The following XKR6 variants were observed in gnomAD, a reference collection of about 807,000 sequenced individuals.
XKR6 encodes XK related 6.
In XKR6, 22 loss-of-function variants were observed where a neutral mutation model predicts 56.7. The ratio of observed to expected loss-of-function variants is 0.39; its 90% CI spans 0.28 to 0.55. The LOEUF is 0.55. Ranked by LOEUF, XKR6 falls within the 20% of genes least tolerant of loss-of-function variation. The probability of loss-of-function intolerance (pLI) is 0.66; values close to 1 mark genes in which losing one functional copy is unlikely to be tolerated. For missense variants in XKR6, 852 were observed against 889.0 expected, an observed-to-expected ratio of 0.96 and a Z score of 0.53; for synonymous variants, 524 against 387.8, an observed-to-expected ratio of 1.35 and a Z score of -4.13.
intron 1 of XKR6, among the ~76,000 whole-genome samples, chr8:10,983,413 A>G (rs932614736): frequency 6.6e-6 from 1 of 152,236 alleles, no homozygotes; most frequent in Admixed American, 6.5e-5. Flanking sequence ...CAATTTGTAA[A>G]CCTGAATGAA....
chr8:10,925,768 G>A (rs1800864256), intron 1 of XKR6, among the ~76,000 whole-genome samples: 2 of 152,178 alleles, frequency 1.3e-5, no homozygotes, highest in Non-Finnish European at 2.9e-5. Flanking sequence ...GAGATGATAT[G>A]CACAGTCGGC....
chr8:10,978,674 C>T (rs1304988974), intron 1 of XKR6, among the ~76,000 whole-genome samples: 1 of 152,254 alleles, frequency 6.6e-6, no homozygotes, highest in Non-Finnish European at 1.5e-5. Context: ...CTTTGCTTGA[C>T]CCTCTTCACT....
chr8:11,088,412 A>T (rs1457827246), intron 1 of XKR6, among the ~76,000 whole-genome samples: 1 of 152,178 alleles, frequency 6.6e-6, no homozygotes, highest in Admixed American at 6.5e-5. Flanking sequence ...TCCACATCTC[A>T]CATTGCTTTG....
At chr8:11,071,213 C>G (rs1332197528) in intron 1 of XKR6, among the ~76,000 whole-genome samples, 2 of 152,164 alleles carry the variant, frequency 1.3e-5, no homozygotes, top group Non-Finnish European at 2.9e-5. Flanking sequence ...GGTCATTGCT[C>G]AGCATTTAGG....
chr8:11,072,809 G>A (rs1201374710), intron 1 of XKR6, among the ~76,000 whole-genome samples: 1 of 151,066 alleles, frequency 6.6e-6, no homozygotes, highest in Non-Finnish European at 1.5e-5. Context: ...CCAGCACTTT[G>A]GAGACCAAGG....
At chr8:10,984,728 C>CTATATATATATATATATA (rs1176002840) in intron 1 of XKR6, among the ~76,000 whole-genome samples, 10 of 66,858 alleles carry the variant, frequency 1.5e-4, no homozygotes, top group African/African-American at 4.8e-4. Flanking sequence ...CTCTCTCTCT[C>CTATATATATATATATATA]TCTCTATATA....
rs750251377 is a variant in XKR6, at chr8:11,035,271, G to T, written c.765-110441C>A. The T allele has an allele frequency of 9.4e-6, 5 of 534,652 alleles. No individual in the cohort carries two copies. The Admixed American group carries it at 9.7e-5, about 10-fold the overall frequency. 33.1% of individuals were successfully genotyped at this position (534,652 alleles called of 1,614,324 possible). On this transcript the variant is annotated intron_variant, in intron 1 of 2. Transcript: ENST00000416569. The stretch of plus-strand genomic sequence containing the variant: ...CCCCATTTCCAGCTCACACCATCGG[G>T]ATCACCGCCAGCATCAGCAGCATCA...
intron 1 of XKR6, among the ~76,000 whole-genome samples, chr8:11,164,479 G>A (rs920809953): frequency 1.6e-4 from 25 of 152,058 alleles, no homozygotes; most frequent in Admixed American, 3.3e-4. Flanking sequence ...TAAAAGATCC[G>A]AAAGGGAAAA....
At chr8:11,037,722 G>T (rs1327287484) in intron 1 of XKR6, among the ~76,000 whole-genome samples, 3 of 152,228 alleles carry the variant, frequency 2.0e-5, no homozygotes, top group Non-Finnish European at 4.4e-5. Flanking sequence ...GCTGGGCATG[G>T]TGGCGTGCGC....
chr8:11,058,854 T>G (rs1247336901), intron 1 of XKR6, among the ~76,000 whole-genome samples: 1 of 152,186 alleles, frequency 6.6e-6, no homozygotes, highest in African/African-American at 2.4e-5. Context: ...AGTAAAATTT[T>G]TAAAAAAAGA....
chr8:11,117,870 C>G (rs1799255107), intron 1 of XKR6, among the ~76,000 whole-genome samples: 1 of 151,988 alleles, frequency 6.6e-6, no homozygotes. Flanking sequence ...TCAAGGAAAA[C>G]AAGACCAATA....
At chr8:10,947,104 C>T (rs1801574445) in intron 1 of XKR6, among the ~76,000 whole-genome samples, 1 of 151,986 alleles carries the variant, frequency 6.6e-6, no homozygotes, top group Non-Finnish European at 1.5e-5. Flanking sequence ...GCTAAGGAGA[C>T]GGGTTGGAGC....
rs116730457 is a variant in XKR6, at chr8:11,039,128, G to A, written c.765-114298C>T. ...AAGAAGCCTGTAGTGTCATCACACC[G>A]CCGAGGACAAGAAGGGAAGCACACG... On this transcript the variant is annotated intron_variant, in intron 1 of 2. Transcript: ENST00000416569. 7.3e-3 allele frequency among the ~76,000 whole-genome samples: 1,105 copies of A among 152,224 alleles called. 15 individuals carry two copies. Among genetic ancestry groups the A allele is most frequent in the African/African-American group, 0.025 (1,054 of 41,538 alleles).
At chr8:10,923,189 A>T (rs1800773341) in intron 2 of XKR6, among the ~76,000 whole-genome samples, 2 of 152,220 alleles carry the variant, frequency 1.3e-5, no homozygotes, top group African/African-American at 4.8e-5. Flanking sequence ...GCCTTGTCAA[A>T]GGGCGGAACT....
intron 1 of XKR6, among the ~76,000 whole-genome samples, chr8:10,980,357 C>T (rs577518572): frequency 2.6e-5 from 4 of 152,298 alleles, no homozygotes; most frequent in Admixed American, 1.3e-4. Flanking sequence ...GAGATGTCCA[C>T]ACCAGATCCC....
chr8:10,947,023 A>T (rs1322382368), intron 1 of XKR6, among the ~76,000 whole-genome samples: 1 of 152,140 alleles, frequency 6.6e-6, no homozygotes, highest in Non-Finnish European at 1.5e-5. Context: ...GGGCCTTGGG[A>T]GCACAGATGC....
intron 2 of XKR6, among the ~76,000 whole-genome samples, chr8:10,920,270 C>T (rs1245163785): frequency 6.6e-6 from 1 of 152,092 alleles, no homozygotes; most frequent in African/African-American, 2.4e-5. Flanking sequence ...AATAAAAGAA[C>T]CACTACAACC....
At chr8:10,917,012 A>C (rs986416417) in intron 2 of XKR6, among the ~76,000 whole-genome samples, 2 of 152,172 alleles carry the variant, frequency 1.3e-5, no homozygotes, top group African/African-American at 2.4e-5. Flanking sequence ...TTTAACGGAA[A>C]ATCAGTGTTT....
At chr8:11,180,066 G>A (rs1389011152) in intron 1 of XKR6, among the ~76,000 whole-genome samples, 2 of 152,168 alleles carry the variant, frequency 1.3e-5, no homozygotes, top group African/African-American at 2.4e-5. Flanking sequence ...TTGAGCCTGG[G>A]AGGTTGAGGT....
Sources: gnomAD v4.1 joint callset for allele counts (sites outside exome capture counted in the v4.1 genomes callset) on GRCh38, gnomAD v4.1.1 for gene constraint, MANE v1.5 for transcripts, NCBI Gene and HGNC (gene_info 2026-07-23, HGNC 2026-07-21) for gene names.